The following CCDC22 variants were observed in gnomAD, a reference collection of about 807,000 sequenced individuals.
CCDC22 encodes the protein CCC complex scaffolding subunit CCDC22.
In CCDC22, 4 loss-of-function variants were observed where a neutral mutation model predicts 53.1. That is an observed-to-expected ratio of 0.08 (90% CI 0.04 to 0.17). The LOEUF is 0.17. Among genes scored for constraint, CCDC22 ranks in the 10% least tolerant of loss-of-function variants. The pLI is 1.00. For missense variants in CCDC22, 458 were observed against 554.0 expected (o/e 0.83, Z 1.74); for synonymous variants, 222 against 224.4 (o/e 0.99, Z 0.10).
intron 2 of CCDC22, among the ~76,000 whole-genome samples, chrX:49,240,428 C>T (rs1344599380): frequency 9.0e-6 from 1 of 110,754 alleles, no homozygotes. Flanking sequence ...GTGGTGTGTG[C>T]CTGTAATCCC....
intron 2 of CCDC22, 118 bp from the exon 3 acceptor site, chrX:49,241,897 TG>T: frequency 1.3e-6 from 1 of 776,940 alleles, no homozygotes; most frequent in Non-Finnish European, 1.9e-6. Context: ...CTTGGGGAGC[TG>T]GGGGAGGTTG....
intron 6 of CCDC22, 55 bp downstream of exon 6, chrX:49,243,517 C>A: frequency 1.0e-6 from 1 of 965,296 alleles, no homozygotes; most frequent in Non-Finnish European, 1.4e-6. Flanking sequence ...CTGACACTCC[C>A]GCTGGTCCTC....
At chrX:49,235,713 C>T (rs1557112563) in intron 1 of CCDC22, 27 bp downstream of exon 1, 2 of 1,154,063 alleles carry the variant, frequency 1.7e-6, no homozygotes, top group Admixed American at 2.4e-5. Flanking sequence ...CGCCCACCCC[C>T]GAAGCCCACA....
rs782423252 is a variant in CCDC22 at position 49,248,930 on chromosome X, C to T, written c.1539+6C>T. The T allele has an allele frequency of 2.0e-5, 24 of 1,205,317 alleles. No individual in the cohort carries two copies. In the South Asian group the frequency reaches 3.6e-4, roughly 18 times the overall value. ...AGAAGGAAGAGATCACCAAGGTACACTGCCAGGGCCATGGAGGGTGGGTCA... is the reference window on the plus strand; with the variant it reads ...AGAAGGAAGAGATCACCAAGGTACATTGCCAGGGCCATGGAGGGTGGGTCA... On this transcript the variant is annotated splice_donor_region_variant and intron_variant, in intron 13 of 16. Coordinates refer to ENST00000376227, the MANE Select transcript of CCDC22 (RefSeq NM_014008.5).
At chrX:49,246,644 C>T in intron 6 of CCDC22, 87 bp from the exon 7 acceptor site, 1 of 852,703 alleles carries the variant, frequency 1.2e-6, no homozygotes, top group Non-Finnish European at 1.6e-6. Flanking sequence ...TCAGTATACT[C>T]TTGTCAGGGG....
intron 2 of CCDC22, 72 bp from the exon 3 acceptor site, chrX:49,241,944 T>G (rs2065965657): frequency 8.7e-7 from 1 of 1,154,363 alleles, no homozygotes; most frequent in Non-Finnish European, 1.2e-6. Flanking sequence ...GGGAGCGTTT[T>G]CAGCCTAGGC....
intron 16 of CCDC22, 39 bp downstream of exon 16, chrX:49,249,764 G>A (rs968235670): frequency 6.6e-6 from 7 of 1,064,486 alleles, no homozygotes; most frequent in African/African-American, 3.7e-5. Flanking sequence ...AAGGCGGGCC[G>A]GGGGGACAGT....
intron 3 of CCDC22, chrX:49,242,361 G>A (rs1185207323): frequency 2.3e-5 from 17 of 743,285 alleles, no homozygotes; most frequent in African/African-American, 2.1e-4. Flanking sequence ...CCGGTGGTGC[G>A]TTGGTGCGGG....
At chrX:49,236,651 G>C (rs1322551057) in intron 1 of CCDC22, among the ~76,000 whole-genome samples, 1 of 111,245 alleles carries the variant, frequency 9.0e-6, no homozygotes, top group African/African-American at 3.3e-5. Flanking sequence ...AGGTGGTCTT[G>C]ATATTCAGGG....
rs782413541 is a variant in CCDC22, at chrX:49,246,813, C to A, written c.797C>A (p.Pro266His). 1 of 1,197,637 alleles carries A rather than the reference C, an allele frequency of 8.3e-7. No individual in the cohort carries two copies. Among genetic ancestry groups the A allele is most frequent in the Non-Finnish European group, 1.1e-6 (1 of 888,097 alleles). The part of the protein sequence containing the change: ...LRQSWGLLGA[P>H]IQARDLGELL... ...CAAAGCTGGGGCCTGCTTGGGGCCC[C>A]CATACAAGCCCGGGACCTGGGAGAA... The change falls in exon 7 of 17, where the codon CCC (proline) becomes CAC (histidine). Residue 266 changes from proline (P) to histidine (H), a missense_variant. Transcript: ENST00000376227.
intron 2 of CCDC22, among the ~76,000 whole-genome samples, chrX:49,238,866 G>C (rs372658249): frequency 8.9e-6 from 1 of 112,436 alleles, no homozygotes; most frequent in East Asian, 2.8e-4. Context: ...ACTGTGCCTG[G>C]TAAAGAGCCA....
intron 6 of CCDC22, among the ~76,000 whole-genome samples, chrX:49,244,258 A>G (rs1458611330): frequency 2.7e-5 from 3 of 109,687 alleles, no homozygotes; most frequent in Non-Finnish European, 3.8e-5. Flanking sequence ...TGCTCTGTCT[A>G]TCTATCTGTT....
At chrX:49,241,006 C>A (rs1429383046) in intron 2 of CCDC22, among the ~76,000 whole-genome samples, 1 of 112,016 alleles carries the variant, frequency 8.9e-6, no homozygotes, top group Non-Finnish European at 1.9e-5. Context: ...TCATTTAATT[C>A]TCAGGACAAC....
At position 49,235,497 on chromosome X, in the gene CCDC22, C is replaced by G; in HGVS notation, c.-140C>G. ...ATCCGGCATGCGCCGTGCTCGCTCA[C>G]AGAACTACACTTTCCAACTCTCCCC... On this transcript the variant is annotated 5_prime_UTR_variant, in exon 1 of 17. Coordinates refer to ENST00000376227, the MANE Select transcript of CCDC22 (RefSeq NM_014008.5). 6 of 586,644 alleles carry G rather than the reference C, an allele frequency of 1.0e-5. No individual in the cohort carries two copies. In the Admixed American group the frequency reaches 1.1e-4, roughly 11 times the overall value. The allele number at this position is 586,644 out of a possible 1,213,427, so 48.3% of individuals were successfully genotyped here.
At chrX:49,244,342 C>T (rs782067284) in intron 6 of CCDC22, among the ~76,000 whole-genome samples, 12 of 109,822 alleles carry the variant, frequency 1.1e-4, no homozygotes, top group East Asian at 2.9e-4. Flanking sequence ...GTGTCCCCTT[C>T]TGCTCTGTCC....
chrX:49,249,336 C>G, intron 14 of CCDC22, 74 bp downstream of exon 14: 2 of 955,249 alleles, frequency 2.1e-6, no homozygotes, highest in African/African-American at 3.8e-5. Flanking sequence ...AATTGGCTGG[C>G]TGGGGTCCAG....
chrX:49,245,487 C>T (rs782252325), intron 6 of CCDC22, among the ~76,000 whole-genome samples: 4 of 111,733 alleles, frequency 3.6e-5, no homozygotes, highest in Non-Finnish European at 5.6e-5. Context: ...ATTCTCCTGC[C>T]TCAGCCTCCC....
At chrX:49,242,462 C>G in intron 3 of CCDC22, 1 of 245,844 alleles carries the variant, frequency 4.1e-6, no homozygotes, top group Non-Finnish European at 5.7e-6. Context: ...CAAACATACC[C>G]CAGTACACTC....
intron 1 of CCDC22, 65 bp from the exon 2 acceptor site, chrX:49,237,021 T>G: frequency 9.4e-7 from 1 of 1,065,653 alleles, no homozygotes; most frequent in Admixed American, 2.3e-5. Context: ...TCCAAAAGGC[T>G]GCAGGGCTCA....
Sources: allele counts gnomAD v4.1 joint callset (sites outside exome capture counted in the v4.1 genomes callset), GRCh38; gene constraint gnomAD v4.1.1; transcripts MANE v1.5; gene names NCBI Gene and HGNC (gene_info 2026-07-23, HGNC 2026-07-21).